The following LINGO1 variants were observed in gnomAD, a reference collection of about 807,000 sequenced individuals.
LINGO1 encodes the protein leucine rich repeat and Ig domain containing 1.
A neutral mutation model predicts 37.3 loss-of-function variants in LINGO1; 11 were observed. The ratio of observed to expected loss-of-function variants is 0.29; its 90% CI spans 0.19 to 0.49. The LOEUF (loss-of-function observed/expected upper bound fraction) is 0.49, where lower values mean the gene tolerates loss of function less well. Among genes scored for constraint, LINGO1 ranks in the 20% least tolerant of loss-of-function variants. LINGO1 has a pLI of 0.99. For synonymous variants in LINGO1, 387 were observed against 403.0 expected, an observed-to-expected ratio of 0.96 and a Z score of 0.48; for missense variants, 585 against 878.2, an observed-to-expected ratio of 0.67 and a Z score of 4.22.
At chr15:77,763,571 C>G (rs2076499051) in intron 1 of LINGO1, among the ~76,000 whole-genome samples, 1 of 152,070 alleles carries the variant, frequency 6.6e-6, no homozygotes, top group Non-Finnish European at 1.5e-5. Flanking sequence ...CTCTGCCATT[C>G]TCCCAGGTGC....
chr15:77,705,973 C>G (rs916076763), intron 2 of LINGO1, among the ~76,000 whole-genome samples: 1 of 152,226 alleles, frequency 6.6e-6, no homozygotes, highest in Admixed American at 6.5e-5. Context: ...CTGGGTCCCA[C>G]CCTGGCTTGG....
chr15:77,632,405 C>T lies in LINGO1; in HGVS notation c.-90G>A. ...CAGGCCCCAGCCCCTGCCCAGCCCC[C>T]TCCTCCGTTTCCTCCTCCTCCGACA... is the stretch of plus-strand genomic sequence containing the variant. On this transcript the variant is annotated 5_prime_UTR_variant, in exon 1 of 2. Coordinates refer to ENST00000355300, the MANE Select transcript of LINGO1 (RefSeq NM_032808.7). This position sits in a 1 kb window ranked among gnomAD's most constrained non-coding sequence, Gnocchi z 6.0. 1 of 1,260,048 alleles carries T rather than the reference C, an allele frequency of 7.9e-7. No individual in the cohort carries two copies. Among genetic ancestry groups the T allele is most frequent in the East Asian group, 3.2e-5 (1 of 31,076 alleles). 78.1% of individuals were successfully genotyped at this position (1,260,048 alleles called of 1,614,324 possible).
In LINGO1 at chr15:77,614,465, G is replaced by A. The variant is rs927185942; in HGVS notation, c.1442C>T (p.Thr481Met). ...TACCTGGGCGTAGCGCACCTCCAGC[G>A]TGCCATCAGGGAAGACTGTGAGCCG... ...NGRLTVFPDG[T>M]LEVRYAQVQD... The change falls in exon 2 of 2, where the codon ACG (threonine) becomes ATG (methionine). Residue 481 changes from threonine to methionine, a missense_variant. Physicochemically the swap from Thr to Met is moderately conservative, Grantham distance 81. Coordinates refer to ENST00000355300, the MANE Select transcript of LINGO1 (RefSeq NM_032808.7). The A allele has an allele frequency of 1.2e-6, 2 of 1,610,638 alleles. No homozygotes were observed. The highest frequency in any genetic ancestry group is 4.5e-5 in the East Asian group (2 of 44,882).
chr15:77,756,580 G>A (rs558383137), intron 1 of LINGO1, among the ~76,000 whole-genome samples: 32 of 152,230 alleles, frequency 2.1e-4, no homozygotes, highest in Admixed American at 3.3e-4. Context: ...GGGCCAAGCC[G>A]GGGCTGGGAG....
intron 2 of LINGO1, among the ~76,000 whole-genome samples, chr15:77,684,447 A>G (rs890160916): frequency 6.6e-6 from 1 of 152,200 alleles, no homozygotes; most frequent in Non-Finnish European, 1.5e-5. Context: ...CTTGGCACAC[A>G]GGGCTGGAAA....
intron 1 of LINGO1, among the ~76,000 whole-genome samples, chr15:77,750,903 G>A (rs1443757741): frequency 6.6e-6 from 1 of 152,212 alleles, no homozygotes; most frequent in Non-Finnish European, 1.5e-5. Context: ...TGCCTGTGAA[G>A]CCTACACTGA....
intron 2 of LINGO1, among the ~76,000 whole-genome samples, chr15:77,709,018 G>A (rs1470290440): frequency 6.6e-6 from 1 of 152,174 alleles, no homozygotes; most frequent in African/African-American, 2.4e-5. Flanking sequence ...GCCAAGGAAT[G>A]CCAGCAACAC....
rs112555465 is a variant in LINGO1, at chr15:77,713,401, A to G, written c.-195+21591T>C. 2.2e-4 allele frequency among the ~76,000 whole-genome samples: 33 copies of G among 152,070 alleles called. 1 individual carries two copies. The highest frequency in any genetic ancestry group is 7.2e-4 in the African/African-American group (30 of 41,468). ...CCTATGCTGAGTTTTAAAAAAATCA[A>G]TCTCAGAAGGTGATATACTGTATGA... On this transcript the variant is annotated intron_variant, in intron 2 of 3. Coordinates refer to the LINGO1 transcript ENST00000561686.
At chr15:77,736,512 C>T (rs1325570451) in intron 1 of LINGO1, among the ~76,000 whole-genome samples, 1 of 152,036 alleles carries the variant, frequency 6.6e-6, no homozygotes, top group East Asian at 1.9e-4. Context: ...CGTGTAATCC[C>T]AGCACTTTGG....
chr15:77,701,960 A>C (rs2075789277), intron 2 of LINGO1, among the ~76,000 whole-genome samples: 1 of 152,182 alleles, frequency 6.6e-6, no homozygotes, highest in African/African-American at 2.4e-5. Context: ...GTGTGGTTTA[A>C]GAGAGATGAA....
intron 2 of LINGO1, among the ~76,000 whole-genome samples, chr15:77,731,955 T>C (rs768819757): frequency 6.6e-6 from 1 of 152,132 alleles, no homozygotes; most frequent in East Asian, 1.9e-4. Flanking sequence ...GGAACCCGAA[T>C]GTCACTCAGT....
chr15:77,627,412 G>A (rs937221254), intron 1 of LINGO1, among the ~76,000 whole-genome samples: 6 of 152,104 alleles, frequency 3.9e-5, no homozygotes, highest in Non-Finnish European at 5.9e-5. Context: ...AGGGCCTCGC[G>A]GGTCGGGGCC....
Position 77,614,893 on chromosome 15 carries a change from G to A in LINGO1, c.1014C>T (p.Arg338=), listed in dbSNP as rs770463478. The A allele has an allele frequency of 1.1e-5, 17 of 1,613,844 alleles. No individual in the cohort carries two copies. The African/African-American group carries it at 1.2e-4, about 11-fold the overall frequency. ...GCTGGTTGCCAGAGACATTGAGCAC[G>A]CGCAGGTAGTTGAGGCCGCGGAAGG... The part of the protein sequence containing the change: ...PYAFRGLNYL[R]VLNVSGNQLT... Residue 338 remains arginine (R), a synonymous_variant, in exon 2 of 2, where the codon CGC becomes CGT. Coordinates refer to ENST00000355300, the MANE Select transcript of LINGO1 (RefSeq NM_032808.7).
chr15:77,646,496 C>T (rs1463896108), intron 3 of LINGO1: 1 of 454,510 alleles, frequency 2.2e-6, no homozygotes, highest in Non-Finnish European at 4.4e-6. Flanking sequence ...TCCCTCCTCT[C>T]TGCACCCCAA....
chr15:77,784,717 T>C (rs2076754441), intron 1 of LINGO1: 1 of 147,492 alleles, frequency 6.8e-6, no homozygotes, highest in South Asian at 2.2e-4. Context: ...CTCAGAGGCA[T>C]GAGTAGTCTT....
intron 2 of LINGO1, among the ~76,000 whole-genome samples, chr15:77,724,869 C>T (rs1567548725): frequency 6.6e-6 from 1 of 152,314 alleles, no homozygotes; most frequent in East Asian, 1.9e-4. Context: ...AAGAAAAAGC[C>T]CACAGCCAAA....
upstream of LINGO1, among the ~76,000 whole-genome samples, chr15:77,701,060 T>A (rs963148081): frequency 6.6e-6 from 1 of 152,120 alleles, no homozygotes; most frequent in Non-Finnish European, 1.5e-5. Flanking sequence ...GTGTTCTTAT[T>A]CCCACTTGAC....
intron 1 of LINGO1, among the ~76,000 whole-genome samples, chr15:77,743,163 T>C (rs1158896222): frequency 1.3e-5 from 2 of 152,080 alleles, no homozygotes; most frequent in Non-Finnish European, 2.9e-5. Context: ...CCCTACCCCA[T>C]GCTCCCCCTG....
intron 1 of LINGO1, among the ~76,000 whole-genome samples, chr15:77,778,774 GCCTCCCACAGTGT>G (rs1315219068): frequency 1.3e-5 from 2 of 152,116 alleles, no homozygotes; most frequent in Admixed American, 6.5e-5. Flanking sequence ...CTTCTGTCCT[GCCTCCCACAGTGT>G]CCTCCACATA....
Sources: gnomAD v4.1 joint callset for allele counts (sites outside exome capture counted in the v4.1 genomes callset) on GRCh38, gnomAD v4.1.1 for gene constraint, Gnocchi (gnomAD v3.1) non-coding constraint, MANE v1.5 for transcripts, NCBI Gene and HGNC (gene_info 2026-07-23, HGNC 2026-07-21) for gene names.